RGS12: variants seen among roughly 807,000 people sequenced by gnomAD.
RGS12 encodes the protein regulator of G protein signaling 12, also known as regulator of G-protein signaling 12.
In RGS12, 66 loss-of-function variants were observed where a neutral mutation model predicts 120.1. The ratio of observed to expected loss-of-function variants is 0.55; its 90% CI spans 0.45 to 0.67. The LOEUF (loss-of-function observed/expected upper bound fraction) is 0.67, where lower values mean the gene tolerates loss of function less well. Among genes scored for constraint, RGS12 ranks in the 30% least tolerant of loss-of-function variants. RGS12 has a pLI of 0.00. For missense variants in RGS12, 1,859 were observed against 1,957.7 expected, an observed-to-expected ratio of 0.95 and a Z score of 0.95; for synonymous variants, 827 against 804.7, an observed-to-expected ratio of 1.03 and a Z score of -0.47.
At chr4:3,315,776 T>C (rs1724697290) in intron 1 of RGS12, among the ~76,000 whole-genome samples, 1 of 152,252 alleles carries the variant, frequency 6.6e-6, no homozygotes, top group Admixed American at 6.5e-5. Flanking sequence ...AGGGGCTCTT[T>C]CCATCCAAAC....
rs189734589 is a variant in RGS12 at position 3,312,241 on chromosome 4, T to A, written c.-101-3829T>A. On this transcript the variant is annotated intron_variant, in intron 1 of 17. Transcript: ENST00000336727. ...GCTTTACTATTAATTGATACAGTTTTAAAAAAAATTAAACTATAAGCTGAA... is the reference window on the plus strand; with the variant it reads ...GCTTTACTATTAATTGATACAGTTTAAAAAAAAATTAAACTATAAGCTGAA... 2.3e-3 allele frequency among the ~76,000 whole-genome samples: 354 copies of A among 152,258 alleles called. 2 individuals are homozygous for A. Among genetic ancestry groups the A allele is most frequent in the East Asian group, 0.011 (57 of 5,190 alleles).
chr4:3,421,945 G>A (rs938231336), intron 10 of RGS12, among the ~76,000 whole-genome samples: 5 of 152,218 alleles, frequency 3.3e-5, no homozygotes, highest in South Asian at 2.1e-4. Context: ...AGGCAGTGCC[G>A]ACGAAGTCAC....
intron 16 of RGS12, among the ~76,000 whole-genome samples, chr4:3,429,991 G>T (rs1278244888): frequency 6.6e-6 from 1 of 152,198 alleles, no homozygotes; most frequent in Non-Finnish European, 1.5e-5. Context: ...GCTGGGACCC[G>T]GGCGGGTGCT....
chr4:3,323,127 C>A (rs1466233567), intron 2 of RGS12, among the ~76,000 whole-genome samples: 4 of 152,236 alleles, frequency 2.6e-5, no homozygotes, highest in Admixed American at 2.6e-4. Flanking sequence ...GTGGCGCGTG[C>A]CCCTCGGTGG....
intron 1 of RGS12, among the ~76,000 whole-genome samples, chr4:3,307,182 A>T (rs905616444): frequency 6.6e-6 from 1 of 152,126 alleles, no homozygotes; most frequent in Non-Finnish European, 1.5e-5. Flanking sequence ...TGGTCCTAGG[A>T]TACGGCCTTT....
chr4:3,360,589 A>C (rs770436753), intron 3 of RGS12, among the ~76,000 whole-genome samples: 35 of 152,146 alleles, frequency 2.3e-4, no homozygotes, highest in Non-Finnish European at 4.6e-4. Context: ...TTTGTCTCAG[A>C]TATTTTCTAA....
Position 3,317,837 on chromosome 4 carries a change from C to G in RGS12, c.1667C>G (p.Ser556Cys). The part of the protein sequence containing the change: ...WQCGHTSDQD[S>C]YTDSTDGWSS... ...TGCGGACACACCAGCGACCAGGACT[C>G]TTACACAGATTCCACCGATGGCTGG... The change falls in exon 2 of 18, where the codon TCT (serine) becomes TGT (cysteine). Residue 556 changes from serine (S) to cysteine (C), a missense_variant. Transcript: ENST00000336727. The G allele has an allele frequency of 1.9e-6, 3 of 1,613,554 alleles. No homozygotes were observed. The highest frequency in any genetic ancestry group is 2.2e-5 in the South Asian group (2 of 91,032).
At chr4:3,340,201 T>C (rs1015135285) in intron 2 of RGS12, among the ~76,000 whole-genome samples, 7 of 152,194 alleles carry the variant, frequency 4.6e-5, no homozygotes, top group African/African-American at 1.7e-4. Context: ...GCCTCCCCTC[T>C]GCCGGGGCCG....
intron 9 of RGS12, 174 bp downstream of exon 9, chr4:3,417,715 C>G: frequency 1.5e-6 from 1 of 661,194 alleles, no homozygotes; most frequent in Non-Finnish European, 2.5e-6. Context: ...TCTGGGGACA[C>G]GACCTGTCAG....
intron 13 of RGS12, among the ~76,000 whole-genome samples, chr4:3,424,124 T>C (rs1723346255): frequency 6.6e-6 from 1 of 152,178 alleles, no homozygotes. Flanking sequence ...ATGATGTGAA[T>C]GGGGTTAAGA....
chr4:3,410,756 G>T (rs1006726791), intron 4 of RGS12, among the ~76,000 whole-genome samples: 4 of 152,228 alleles, frequency 2.6e-5, no homozygotes, highest in Non-Finnish European at 4.4e-5. Context: ...CTCATGGCTG[G>T]CGTTCTGTGA....
chr4:3,405,202 A>G (rs1720981222), intron 4 of RGS12, among the ~76,000 whole-genome samples: 1 of 152,216 alleles, frequency 6.6e-6, no homozygotes, highest in Non-Finnish European at 1.5e-5. Context: ...AGACACTTAC[A>G]GAGCCTCGGG....
chr4:3,351,335 T>C (rs1308592426), intron 3 of RGS12, among the ~76,000 whole-genome samples: 3 of 152,214 alleles, frequency 2.0e-5, no homozygotes, highest in Non-Finnish European at 4.4e-5. Flanking sequence ...CTTTTAGTAT[T>C]GCTCTGAGCT....
intron 3 of RGS12, among the ~76,000 whole-genome samples, chr4:3,351,500 G>A (rs1050515343): frequency 6.6e-6 from 1 of 151,954 alleles, no homozygotes; most frequent in Non-Finnish European, 1.5e-5. Context: ...TGTCTGCATC[G>A]TTGGTTGCCA....
chr4:3,298,605 C>T (rs1313628683), intron 1 of RGS12, among the ~76,000 whole-genome samples: 2 of 152,156 alleles, frequency 1.3e-5, no homozygotes, highest in Admixed American at 6.5e-5. Context: ...AGCTGCGTTG[C>T]TCCTTTATGT....
intron 1 of RGS12, among the ~76,000 whole-genome samples, chr4:3,298,542 A>G (rs1723505433): frequency 6.6e-6 from 1 of 151,974 alleles, no homozygotes; most frequent in African/African-American, 2.4e-5. Flanking sequence ...TTATTTTTTC[A>G]TAGTCTCGTC....
At chr4:3,319,939 C>T (rs1236023251) in intron 2 of RGS12, among the ~76,000 whole-genome samples, 7 of 152,178 alleles carry the variant, frequency 4.6e-5, no homozygotes, top group Admixed American at 4.6e-4. Context: ...GTGTGGGCTG[C>T]CTGTATTGGG....
At position 3,374,569 on chromosome 4, in the gene RGS12, G is replaced by C. The variant is rs911244700; in HGVS notation, c.1999-11847G>C. ...CAAACAAGACTTGGATTCTCCCCTC[G>C]CCTCCAGTGTACCCCTCCCTCAGTC... On this transcript the variant is annotated intron_variant, in intron 3 of 17. Coordinates refer to ENST00000336727, the MANE Select transcript of RGS12 (RefSeq NM_001394154.1). This position sits in a 1 kb window ranked among gnomAD's most constrained non-coding sequence, Gnocchi z 6.3. Among the ~76,000 whole-genome samples the C allele has an allele frequency of 3.3e-5, 5 of 151,866 alleles. No homozygotes were observed. Among genetic ancestry groups the C allele is most frequent in the African/African-American group, 1.2e-4 (5 of 41,338 alleles).
At chr4:3,318,482 T>G (rs1480996667) in intron 2 of RGS12, among the ~76,000 whole-genome samples, 1 of 152,250 alleles carries the variant, frequency 6.6e-6, no homozygotes, top group Non-Finnish European at 1.5e-5. Context: ...GAGAATATTC[T>G]TGAAGCACTG....
Sources: gnomAD v4.1 joint callset for allele counts (sites outside exome capture counted in the v4.1 genomes callset) on GRCh38, gnomAD v4.1.1 for gene constraint, Gnocchi (gnomAD v3.1) non-coding constraint, MANE v1.5 for transcripts, NCBI Gene and HGNC (gene_info 2026-07-23, HGNC 2026-07-21) for gene names.